Variants in LRAT observed in about 807,000 individuals in gnomAD.
LRAT encodes the protein lecithin retinol acyltransferase.
LRAT carries 11 observed loss-of-function variants against 14.2 expected under a neutral mutation model. The ratio of observed to expected loss-of-function variants is 0.78; its 90% CI spans 0.49 to 1.29. The LOEUF (loss-of-function observed/expected upper bound fraction) is 1.29, where lower values mean the gene tolerates loss of function less well. LRAT is among the 50% of genes most tolerant of loss of function. The probability of loss-of-function intolerance (pLI) is 0.00; values close to 1 mark genes in which losing one functional copy is unlikely to be tolerated. For synonymous variants in LRAT, 144 were observed against 124.8 expected (o/e 1.15, Z -1.03); for missense variants, 274 against 292.4 (o/e 0.94, Z 0.46).
chr4:154,748,922 A>C, intron 2 of LRAT, 62 bp from the exon 3 acceptor site: 1 of 1,451,770 alleles, frequency 6.9e-7, no homozygotes, highest in Non-Finnish European at 9.7e-7. Context: ...TTACTGTTTG[A>C]TATATGTGAT....
chr4:154,751,761 A>AAAAAAAAAAAAAAAG lies in LRAT; in HGVS notation c.*2628_*2629insAAAAAAAAAAAGAAA, dbSNP rs1553973380. 1.8e-5 allele frequency: 2 copies of AAAAAAAAAAAAAAAG among 109,696 alleles called. No homozygotes were observed. Among genetic ancestry groups the AAAAAAAAAAAAAAAG allele is most frequent in the African/African-American group, 3.1e-5 (1 of 32,392 alleles). The allele number at this position is 109,696 out of a possible 1,614,324, so 6.8% of individuals were successfully genotyped here. The stretch of plus-strand genomic sequence containing the variant: ...AAAAAAAAAAAAAAAAAAAAAAAAA[A>AAAAAAAAAAAAAAAG]AAAGAAGAAGAAACCCTGAGCCATT... On this transcript the variant is annotated 3_prime_UTR_variant, in exon 3 of 3. Transcript: ENST00000336356.
chr4:154,746,126 C>T (rs191725793), intron 2 of LRAT, among the ~76,000 whole-genome samples: 36 of 152,262 alleles, frequency 2.4e-4, no homozygotes, highest in Middle Eastern at 3.4e-3. Context: ...ACTTCACTTA[C>T]AATTGGAAAC....
rs1203027831 is a variant in LRAT, at chr4:154,748,280, A to G, written c.541-704A>G. The G allele has an allele frequency of 6.1e-6, 6 of 983,392 alleles. No individual in the cohort carries two copies. The African/African-American group carries it at 7.0e-5, about 11-fold the overall frequency. The allele number at this position is 983,392 out of a possible 1,614,324, so 60.9% of individuals were successfully genotyped here. A position where few individuals can be genotyped will look rare whatever the true frequency, so the allele number is the denominator to read the frequency against. ...TTCCCATTTGACTACTTGAGGTGAC[A>G]TAGCCAATAAGAGCTGGAGCCAGGA... On this transcript the variant is annotated intron_variant, in intron 2 of 2. Transcript: ENST00000336356.
At chr4:154,746,053 T>A (rs1365217767) in intron 2 of LRAT, among the ~76,000 whole-genome samples, 3 of 152,114 alleles carry the variant, frequency 2.0e-5, no homozygotes, top group African/African-American at 4.8e-5. Flanking sequence ...AAGGGAAAAA[T>A]GGATTTTTAT....
At position 154,749,961 on chromosome 4, in the gene LRAT, A is replaced by G. The variant is rs1480361493; in HGVS notation, c.*825A>G. 1 of 152,254 alleles carries G rather than the reference A, an allele frequency of 6.6e-6. No individual in the cohort carries two copies. Among genetic ancestry groups the G allele is most frequent in the East Asian group, 1.9e-4 (1 of 5,208 alleles). 9.4% of individuals were successfully genotyped at this position (152,254 alleles called of 1,614,324 possible). ...TAAATATGTAGATAGTCACATATAC[A>G]CAGACTGAGAGATAAATTGTTCTTG... On this transcript the variant is annotated 3_prime_UTR_variant, in exon 3 of 3. Transcript: ENST00000336356.
At position 154,749,020 on chromosome 4, in the gene LRAT, A is replaced by G. The variant is rs1337274023; in HGVS notation, c.577A>G (p.Arg193Gly). The G allele has an allele frequency of 6.2e-7, 1 of 1,613,792 alleles. No individual in the cohort carries two copies. Among genetic ancestry groups the G allele is most frequent in the Admixed American group, 1.7e-5 (1 of 60,022 alleles). Reference sequence around the variant, plus strand: ...TGTGAAGATAATTATTCGTGATCAGAGAAGTGTTCTTGCTTCAGCAGTCTT... The same window carrying G: ...TGTGAAGATAATTATTCGTGATCAGGGAAGTGTTCTTGCTTCAGCAGTCTT... ...ETVKIIIRDQ[R>G]SVLASAVLGL... The change falls in exon 3 of 3, where the codon AGA becomes GGA. Residue 193 changes from arginine to glycine, a missense_variant. By Grantham distance (125) the Arg-to-Gly change is moderately radical. Coordinates refer to ENST00000336356, the MANE Select transcript of LRAT (RefSeq NM_004744.5).
rs1732994336 is a variant in LRAT at position 154,751,619 on chromosome 4, AGCT to A, written c.*2484_*2486del. 1 of 151,338 alleles carries A rather than the reference AGCT, an allele frequency of 6.6e-6. No homozygotes were observed. The highest frequency in any genetic ancestry group is 1.5e-5 in the Non-Finnish European group (1 of 68,164). The allele number at this position is 151,338 out of a possible 1,614,324, so 9.4% of individuals were successfully genotyped here. On this transcript the variant is annotated 3_prime_UTR_variant, in exon 3 of 3. Coordinates refer to ENST00000336356, the MANE Select transcript of LRAT (RefSeq NM_004744.5). ...CGTGGTGGCCGGCGCCTGTAGTCCC[AGCT>A]ACTCATGAGGTTGAGGCAGGAGAAT...
chr4:154,750,327 T>C lies in LRAT; in HGVS notation c.*1191T>C, dbSNP rs1251395602. ...TAAAGTGGCTTAGTACTGCCAGTCA[T>C]GTAAATTGATTCTGCTGAGGGTCTT... On this transcript the variant is annotated 3_prime_UTR_variant, in exon 3 of 3. Coordinates refer to ENST00000336356, the MANE Select transcript of LRAT (RefSeq NM_004744.5). 6.6e-6 allele frequency: 1 copy of C among 152,124 alleles called. No homozygotes were observed. The highest frequency in any genetic ancestry group is 6.5e-5 in the Admixed American group (1 of 15,282). The allele number at this position is 152,124 out of a possible 1,614,324, so 9.4% of individuals were successfully genotyped here. A position where few individuals can be genotyped will look rare whatever the true frequency, so the allele number is the denominator to read the frequency against.
chr4:154,746,030 A>G (rs1329543138), intron 2 of LRAT, among the ~76,000 whole-genome samples: 2 of 152,236 alleles, frequency 1.3e-5, no homozygotes, highest in Non-Finnish European at 2.9e-5. Context: ...TTATTAAATT[A>G]GCCACAAATC....
At chr4:154,741,126 T>C (rs186109411), upstream of LRAT, among the ~76,000 whole-genome samples, 41 of 146,066 alleles carry the variant, frequency 2.8e-4, no homozygotes, top group Admixed American at 2.5e-3. Flanking sequence ...ACCACAGAAA[T>C]AGATGAGATT....
chr4:154,748,600 A>G (rs562407242), intron 2 of LRAT, among the ~76,000 whole-genome samples: 5 of 152,208 alleles, frequency 3.3e-5, no homozygotes, highest in African/African-American at 1.2e-4. Context: ...TAATTGGCCA[A>G]ATTCTATTAT....
At chr4:154,748,844 AT>A (rs1158846145) in intron 2 of LRAT, 139 bp from the exon 3 acceptor site, 6 of 786,824 alleles carry the variant, frequency 7.6e-6, no homozygotes, top group Non-Finnish European at 1.3e-5. Context: ...AACATTGTAA[AT>A]TTTTTTGTAA....
In LRAT at chr4:154,751,296, G is replaced by C. The variant is rs1221355105; in HGVS notation, c.*2160G>C. 2 of 152,140 alleles carry C rather than the reference G, an allele frequency of 1.3e-5. No homozygotes were observed. The highest frequency in any genetic ancestry group is 4.8e-5 in the African/African-American group (2 of 41,430). The allele number at this position is 152,140 out of a possible 1,614,324, so 9.4% of individuals were successfully genotyped here. A position where few individuals can be genotyped will look rare whatever the true frequency, so the allele number is the denominator to read the frequency against. ...AACTGTTTATGGGAAAAGGAAACTA[G>C]GATGGTTTTATTTGTGAAATGTTCT... On this transcript the variant is annotated 3_prime_UTR_variant, in exon 3 of 3. Transcript: ENST00000336356.
chr4:154,744,787 A>G lies in LRAT; in HGVS notation c.461A>G (p.Tyr154Cys), dbSNP rs1470351055. The G allele has an allele frequency of 6.2e-7, 1 of 1,614,098 alleles. No individual in the cohort carries two copies. The highest frequency in any genetic ancestry group is 1.1e-5 in the South Asian group (1 of 91,074). The change falls in exon 2 of 3, where the codon TAC becomes TGC. Residue 154 changes from tyrosine to cysteine, a missense_variant. By Grantham distance (194) the Tyr-to-Cys change is radical. Coordinates refer to ENST00000336356, the MANE Select transcript of LRAT (RefSeq NM_004744.5). ...RAEKLLGFTP[Y>C]SLLWNNCEHF... ...GAAAAGCTGCTGGGCTTTACCCCCT[A>G]CAGCCTGCTGTGGAACAACTGCGAG...
At position 154,749,007 on chromosome 4, in the gene LRAT, T is replaced by C. The variant is rs772014463; in HGVS notation, c.564T>C (p.Ile188=). ...AGTTTTGTGAGACTGTGAAGATAAT[T>C]ATTCGTGATCAGAGAAGTGTTCTTG... ...SDKFCETVKI[I]IRDQRSVLAS... Residue 188 remains isoleucine (I), a synonymous_variant, in exon 3 of 3, where the codon ATT becomes ATC. Coordinates refer to ENST00000336356, the MANE Select transcript of LRAT (RefSeq NM_004744.5). 135 of 1,613,672 alleles carry C rather than the reference T, an allele frequency of 8.4e-5. No individual in the cohort carries two copies. The highest frequency in any genetic ancestry group is 1.1e-4 in the Non-Finnish European group (132 of 1,179,738).
At chr4:154,748,803 C>T (rs1732930185) in intron 2 of LRAT, among the ~76,000 whole-genome samples, 181 bp from the exon 3 acceptor site, 1 of 152,094 alleles carries the variant, frequency 6.6e-6, no homozygotes, top group Non-Finnish European at 1.5e-5. Flanking sequence ...ATTTCTGCTA[C>T]TATACGGTAT....
At position 154,744,868 on chromosome 4, in the gene LRAT, T is replaced by C; in HGVS notation, c.540+2T>C. The stretch of plus-strand genomic sequence containing the variant: ...CCGATCAGTCCCCAGTCCGACAAGG[T>C]ATGATGTGTGACTCCCAGGGGAAGT... On this transcript the variant is annotated splice_donor_variant, in intron 2 of 2. Transcript: ENST00000336356. LOFTEE classifies it high-confidence loss of function. The C allele has an allele frequency of 6.2e-7, 1 of 1,612,750 alleles. No homozygotes were observed. Among genetic ancestry groups the C allele is most frequent in the Non-Finnish European group, 8.5e-7 (1 of 1,179,974 alleles).
chr4:154,744,934 T>A, intron 2 of LRAT, 68 bp downstream of exon 2: 1 of 1,509,684 alleles, frequency 6.6e-7, no homozygotes, highest in Non-Finnish European at 9.1e-7. Flanking sequence ...TGACCTTTTC[T>A]CTTCCCCGCG....
At chr4:154,742,272 C>G (rs1183308548), upstream of LRAT, among the ~76,000 whole-genome samples, 1 of 152,184 alleles carries the variant, frequency 6.6e-6, no homozygotes, top group Non-Finnish European at 1.5e-5. Context: ...CCTTCTCCAA[C>G]TTCCTCTTTC....
Sources: allele counts gnomAD v4.1 joint callset (sites outside exome capture counted in the v4.1 genomes callset), GRCh38; gene constraint gnomAD v4.1.1; transcripts MANE v1.5; gene names NCBI Gene and HGNC (gene_info 2026-07-23, HGNC 2026-07-21).